Variants in RPH3A observed in about 807,000 individuals in gnomAD.
RPH3A encodes rabphilin-3A.
A neutral mutation model predicts 102.2 loss-of-function variants in RPH3A; 48 were observed. The ratio of observed to expected loss-of-function variants is 0.47; its 90% CI spans 0.37 to 0.60. The LOEUF (loss-of-function observed/expected upper bound fraction) is 0.60. RPH3A is among the 20% of genes least tolerant of loss of function. The pLI is 0.00. For missense variants in RPH3A, 781 were observed against 910.1 expected (o/e 0.86, Z 1.83); for synonymous variants, 310 against 324.3 (o/e 0.96, Z 0.47).
rs201634592 is a variant in RPH3A, at chr12:112,869,874, T to C, written c.650-19T>C. The C allele has an allele frequency of 3.7e-6, 6 of 1,614,116 alleles. No individual in the cohort carries two copies. In the East Asian group the frequency reaches 1.3e-4, roughly 36 times the overall value. On this transcript the variant is annotated intron_variant, in intron 9 of 21. Coordinates refer to ENST00000389385, the MANE Select transcript of RPH3A (RefSeq NM_001143854.2). ...CCCTCGATGCCCTTTCTCTACTCAA[T>C]TCATGCTCTTCTTTCCAGGCCCTGA...
intron 1 of RPH3A, among the ~76,000 whole-genome samples, chr12:112,746,333 C>T (rs1017664505): frequency 2.6e-5 from 4 of 152,144 alleles, no homozygotes; most frequent in African/African-American, 7.2e-5. Context: ...AGAGGAGGGA[C>T]GTACATGCTC....
In RPH3A at chr12:112,847,835, C is replaced by A; in HGVS notation, c.223C>A (p.Arg75=). 1.2e-6 allele frequency: 2 copies of A among 1,613,976 alleles called. No homozygotes were observed. The highest frequency in any genetic ancestry group is 2.2e-5 in the East Asian group (1 of 44,862). The change falls in exon 5 of 22, where the codon CGA becomes AGA. Residue 75 remains arginine (R), a synonymous_variant. Coordinates refer to ENST00000389385, the MANE Select transcript of RPH3A (RefSeq NM_001143854.2). ...AEKMEEMEQE[R]IGRLVDRLEN... Reference sequence around the variant, plus strand: ...GAAAATGGAAGAGATGGAGCAGGAGCGAATCGGGTGAGGCTTAACGCTTCC... The same window carrying A: ...GAAAATGGAAGAGATGGAGCAGGAGAGAATCGGGTGAGGCTTAACGCTTCC...
At chr12:112,628,366 T>C (rs1194731547) in intron 1 of RPH3A, among the ~76,000 whole-genome samples, 1 of 147,274 alleles carries the variant, frequency 6.8e-6, no homozygotes, top group Non-Finnish European at 1.5e-5. Flanking sequence ...GAGGGGAGAG[T>C]AATGAGAGAC....
intron 4 of RPH3A, among the ~76,000 whole-genome samples, chr12:112,844,148 GA>G (rs2042192378): frequency 6.6e-6 from 1 of 152,180 alleles, no homozygotes; most frequent in Admixed American, 6.5e-5. Flanking sequence ...GTAATGCCCT[GA>G]CCCTGGGTGT....
At chr12:112,801,385 T>G (rs959255361) in intron 2 of RPH3A, among the ~76,000 whole-genome samples, 1 of 152,346 alleles carries the variant, frequency 6.6e-6, no homozygotes, top group African/African-American at 2.4e-5. Flanking sequence ...TTTCTGTAGA[T>G]GTTCTTTCTT....
intron 2 of RPH3A, among the ~76,000 whole-genome samples, chr12:112,793,062 T>A (rs1950259432): frequency 6.6e-6 from 1 of 152,128 alleles, no homozygotes; most frequent in South Asian, 2.1e-4. Context: ...GGGGAAAGAT[T>A]CCAGGCTTCA....
chr12:112,816,278 C>A (rs1452567874), intron 2 of RPH3A, among the ~76,000 whole-genome samples: 1 of 152,194 alleles, frequency 6.6e-6, no homozygotes, highest in Non-Finnish European at 1.5e-5. Context: ...TTTCTACGAT[C>A]ATTACCAAGA....
At chr12:112,802,045 G>C (rs1365369427) in intron 2 of RPH3A, among the ~76,000 whole-genome samples, 5 of 152,032 alleles carry the variant, frequency 3.3e-5, no homozygotes, top group Non-Finnish European at 7.4e-5. Context: ...TTTCCCTCCA[G>C]CAACCCAGAG....
chr12:112,617,219 C>G (rs2039687101), intron 1 of RPH3A, among the ~76,000 whole-genome samples: 1 of 152,196 alleles, frequency 6.6e-6, no homozygotes, highest in Non-Finnish European at 1.5e-5. Flanking sequence ...ACACCGGAGA[C>G]TCTGGGGTCA....
intron 1 of RPH3A, chr12:112,651,950 A>G (rs1287796569): frequency 6.6e-6 from 1 of 152,236 alleles, no homozygotes; most frequent in African/African-American, 2.4e-5. Context: ...AGGCTGAATA[A>G]TATTTCATTG....
intron 19 of RPH3A, 55 bp from the exon 20 acceptor site, chr12:112,894,523 G>C (rs555662851): frequency 3.9e-6 from 6 of 1,526,808 alleles, no homozygotes; most frequent in Non-Finnish European, 4.5e-6. Context: ...GGGGTCAAGA[G>C]GCTGTTCTTA....
intron 1 of RPH3A, among the ~76,000 whole-genome samples, chr12:112,762,795 A>G (rs150106133): frequency 4.1e-4 from 63 of 152,298 alleles, no homozygotes; most frequent in African/African-American, 1.5e-3. Flanking sequence ...ACACCAGGAG[A>G]AAGAGAACTC....
At chr12:112,609,734 C>G (rs1461849031) in intron 1 of RPH3A, among the ~76,000 whole-genome samples, 1 of 152,196 alleles carries the variant, frequency 6.6e-6, no homozygotes, top group Non-Finnish European at 1.5e-5. Context: ...GACCTGCCCC[C>G]CAAACCAACC....
At chr12:112,886,423 G>A (rs376070313) in intron 16 of RPH3A, among the ~76,000 whole-genome samples, 92 of 151,914 alleles carry the variant, frequency 6.1e-4, no homozygotes, top group Non-Finnish European at 9.1e-4. Context: ...CATAAGGAGC[G>A]TGCAAACTAG....
intron 16 of RPH3A, 99 bp downstream of exon 16, chr12:112,883,501 A>G (rs2042958719): frequency 2.6e-6 from 2 of 774,986 alleles, no homozygotes; most frequent in Non-Finnish European, 4.5e-6. Context: ...CACTCTAAAA[A>G]GATCTCTACA....
intron 19 of RPH3A, 83 bp from the exon 20 acceptor site, chr12:112,894,495 G>A: frequency 8.3e-7 from 1 of 1,197,830 alleles, no homozygotes; most frequent in Non-Finnish European, 1.2e-6. Flanking sequence ...AATTCACCCT[G>A]ATAAAGAAGG....
At chr12:112,705,980 T>G (rs1405140843) in intron 1 of RPH3A, among the ~76,000 whole-genome samples, 2 of 152,190 alleles carry the variant, frequency 1.3e-5, no homozygotes, top group Admixed American at 1.3e-4. Flanking sequence ...TGGTTCCTGA[T>G]TTCATGGAGC....
intron 2 of RPH3A, among the ~76,000 whole-genome samples, chr12:112,808,683 G>A (rs2041514414): frequency 6.6e-6 from 1 of 152,172 alleles, no homozygotes; most frequent in Non-Finnish European, 1.5e-5. Flanking sequence ...TAAAGTGGCG[G>A]TTCTCAGAAT....
chr12:112,603,632 A>C (rs1395671069), intron 1 of RPH3A, among the ~76,000 whole-genome samples: 1 of 152,242 alleles, frequency 6.6e-6, no homozygotes, highest in Admixed American at 6.5e-5. Flanking sequence ...TTATCTTTAA[A>C]GCAAAATTAG....
Sources: allele counts gnomAD v4.1 joint callset (sites outside exome capture counted in the v4.1 genomes callset), GRCh38; gene constraint gnomAD v4.1.1; transcripts MANE v1.5; gene names NCBI Gene and HGNC (gene_info 2026-07-23, HGNC 2026-07-21).